Variants in STARD3 observed in about 807,000 individuals in gnomAD.
The protein encoded by STARD3 is StAR related lipid transfer domain containing 3.
STARD3 carries 39 observed loss-of-function variants against 62.0 expected under a neutral mutation model. That is an observed-to-expected ratio of 0.63 (90% CI 0.49 to 0.82). The LOEUF (loss-of-function observed/expected upper bound fraction) is 0.82. STARD3 is among the 40% of genes least tolerant of loss of function. The pLI is 0.00. For missense variants in STARD3, 543 were observed against 584.5 expected (o/e 0.93, Z 0.73); for synonymous variants, 229 against 242.4 (o/e 0.94, Z 0.51).
At position 39,660,431 on chromosome 17, in the gene STARD3, A is replaced by G; in HGVS notation, c.859A>G (p.Thr287Ala). The G allele has an allele frequency of 6.2e-7, 1 of 1,613,654 alleles. No homozygotes were observed. Among genetic ancestry groups the G allele is most frequent in the Non-Finnish European group, 8.5e-7 (1 of 1,179,998 alleles). Reference protein sequence around the residue: ...PFHGKTFILKTFLPCPAELVY... With the variant: ...PFHGKTFILKAFLPCPAELVY... ...CCAGCCCTCTGCCGCCCTGTCCCAG[A>G]CCTTCCTGCCCTGTCCTGCGGAGCT... Residue 287 changes from threonine (T) to alanine (A), a missense_variant and splice_region_variant, in exon 11 of 15, where the codon ACC becomes GCC. Transcript: ENST00000336308. The surrounding 1 kb of genome is among the most constrained non-coding windows in gnomAD (Gnocchi z 4.8).
At chr17:39,650,555 C>T (rs1002690224) in intron 1 of STARD3, among the ~76,000 whole-genome samples, 2 of 152,124 alleles carry the variant, frequency 1.3e-5, no homozygotes, top group Non-Finnish European at 2.9e-5. Context: ...CGCCTGTAAT[C>T]CCAACACTGG....
At chr17:39,646,968 G>C (rs1427710475) in intron 1 of STARD3, among the ~76,000 whole-genome samples, 2 of 152,060 alleles carry the variant, frequency 1.3e-5, no homozygotes, top group African/African-American at 4.8e-5. Context: ...TTGGGAGGCC[G>C]AGGTGGGCGG....
intron 1 of STARD3, among the ~76,000 whole-genome samples, chr17:39,642,222 C>T (rs1308297487): frequency 6.6e-6 from 1 of 152,212 alleles, no homozygotes; most frequent in Non-Finnish European, 1.5e-5. Context: ...TGGAGTCCTC[C>T]CTCCTCCTTA....
intron 1 of STARD3, among the ~76,000 whole-genome samples, chr17:39,644,871 G>A (rs1323458154): frequency 1.3e-5 from 2 of 149,812 alleles, no homozygotes; most frequent in South Asian, 2.1e-4. Context: ...AAAAAAAATC[G>A]CAGACTTGCC....
intron 1 of STARD3, among the ~76,000 whole-genome samples, chr17:39,641,095 C>T (rs1188972511): frequency 1.3e-5 from 2 of 152,200 alleles, no homozygotes; most frequent in Non-Finnish European, 2.9e-5. Context: ...CGCAGTGGTG[C>T]ACACCTGTAG....
In STARD3 at chr17:39,663,023, C is replaced by A; in HGVS notation, c.*115C>A. On this transcript the variant is annotated 3_prime_UTR_variant, in exon 15 of 15. Transcript: ENST00000336308. ...TGGGACCTGGCCCCAGGCTGTCACC[C>A]TCCACCGAGCCACGCAGTGCCTGGA... The A allele has an allele frequency of 9.5e-7, 1 of 1,053,050 alleles. No homozygotes were observed. The allele number at this position is 1,053,050 out of a possible 1,614,324, so 65.2% of individuals were successfully genotyped here. A position where few individuals can be genotyped will look rare whatever the true frequency, so the allele number is the denominator to read the frequency against.
intron 1 of STARD3, among the ~76,000 whole-genome samples, chr17:39,644,684 A>AG (rs2057009255): frequency 2.0e-5 from 3 of 151,206 alleles, no homozygotes; most frequent in African/African-American, 7.3e-5. Context: ...AAAAAAAAAA[A>AG]AAAAGAAGAA....
Position 39,657,860 on chromosome 17 carries a change from G to T in STARD3, c.375+8G>T. On this transcript the variant is annotated splice_region_variant and intron_variant, in intron 4 of 14. Coordinates refer to ENST00000336308, the MANE Select transcript of STARD3 (RefSeq NM_006804.4). ...CACTGGTGGGTGATTGCGGTAAGATGCCACTTTCCTGGCAGCTTCTGGGCC... is the reference window on the plus strand; with the variant it reads ...CACTGGTGGGTGATTGCGGTAAGATTCCACTTTCCTGGCAGCTTCTGGGCC... 1 of 1,614,188 alleles carries T rather than the reference G, an allele frequency of 6.2e-7. No homozygotes were observed. The highest frequency in any genetic ancestry group is 1.3e-5 in the African/African-American group (1 of 75,058).
At chr17:39,644,661 C>T (rs1252321112) in intron 1 of STARD3, among the ~76,000 whole-genome samples, 7 of 134,930 alleles carry the variant, frequency 5.2e-5, no homozygotes, top group South Asian at 2.6e-4. Context: ...CATAGTGAGA[C>T]CCTGTCTCTA....
intron 7 of STARD3, 70 bp downstream of exon 7, chr17:39,658,890 GTTCT>G (rs2057162628): frequency 1.9e-6 from 3 of 1,584,708 alleles, no homozygotes; most frequent in Non-Finnish European, 2.6e-6. Context: ...GGCTGGGTCT[GTTCT>G]TTCTATTCCT....
At chr17:39,654,272 C>G (rs1380816727) in intron 2 of STARD3, among the ~76,000 whole-genome samples, 1 of 152,188 alleles carries the variant, frequency 6.6e-6, no homozygotes, top group East Asian at 1.9e-4. Context: ...TGTGGTGGTG[C>G]ACACCTGTTG....
intron 8 of STARD3, 138 bp downstream of exon 8, chr17:39,659,244 C>A (rs112766854): frequency 2.2e-5 from 26 of 1,179,422 alleles, no homozygotes; most frequent in Non-Finnish European, 3.0e-5. Context: ...GTGTCTCCCC[C>A]ACCACCAGTC....
At chr17:39,656,706 G>A (rs1046877513) in intron 2 of STARD3, among the ~76,000 whole-genome samples, 8 of 152,148 alleles carry the variant, frequency 5.3e-5, no homozygotes, top group African/African-American at 1.4e-4. Context: ...TGTATAGGGC[G>A]CATTGCCTCC....
chr17:39,652,767 C>T (rs111571558), intron 1 of STARD3: 5,527 of 152,190 alleles, frequency 0.036, 159 homozygotes, highest in Non-Finnish European at 0.058. Flanking sequence ...GGTGGGAAAC[C>T]GTGGGAGGGC....
intron 2 of STARD3, among the ~76,000 whole-genome samples, chr17:39,654,808 C>G (rs2057112088): frequency 6.6e-6 from 1 of 152,216 alleles, no homozygotes; most frequent in Admixed American, 6.5e-5. Context: ...GACAAGAAAA[C>G]AATGTCTTGT....
At chr17:39,641,925 C>T (rs1355871550) in intron 1 of STARD3, among the ~76,000 whole-genome samples, 1 of 152,168 alleles carries the variant, frequency 6.6e-6, no homozygotes, top group African/African-American at 2.4e-5. Context: ...ACCTCAAGGG[C>T]TTGGGACAGA....
At chr17:39,638,029 A>T (rs980384619) in intron 1 of STARD3, among the ~76,000 whole-genome samples, 1 of 151,974 alleles carries the variant, frequency 6.6e-6, no homozygotes, top group East Asian at 1.9e-4. Flanking sequence ...CTGGGTCCAA[A>T]CTTGAACTGG....
Position 39,663,136 on chromosome 17 carries a change from T to A in STARD3, c.*228T>A. 1 of 468,582 alleles carries A rather than the reference T, an allele frequency of 2.1e-6. No homozygotes were observed. The highest frequency in any genetic ancestry group is 4.0e-5 in the South Asian group (1 of 24,856). 29.0% of individuals were successfully genotyped at this position (468,582 alleles called of 1,614,324 possible). On this transcript the variant is annotated 3_prime_UTR_variant, in exon 15 of 15. Transcript: ENST00000336308. ...AAGTGGGGTCTGGCCTGTTGATGTT[T>A]ACATGGCGCCCTGCCTCCTGGAGGA...
At chr17:39,658,843 A>T in intron 7 of STARD3, 23 bp downstream of exon 7, 1 of 1,611,538 alleles carries the variant, frequency 6.2e-7, no homozygotes, top group Non-Finnish European at 8.5e-7. Context: ...GTGTGGGGGA[A>T]CTGCTTTCAG....
Sources: allele counts gnomAD v4.1 joint callset (sites outside exome capture counted in the v4.1 genomes callset), GRCh38; gene constraint gnomAD v4.1.1; non-coding constraint Gnocchi (gnomAD v3.1); transcripts MANE v1.5; gene names NCBI Gene and HGNC (gene_info 2026-07-23, HGNC 2026-07-21).